Variants in UNC93B1 observed in about 807,000 individuals in gnomAD.
UNC93B1 encodes protein unc-93 homolog B1.
Under a neutral mutation model 56.8 loss-of-function variants are expected in UNC93B1, and 33 were observed. The ratio of observed to expected loss-of-function variants is 0.58; its 90% confidence interval spans 0.44 to 0.78. The LOEUF (loss-of-function observed/expected upper bound fraction) is 0.78. Ranked by LOEUF, UNC93B1 falls within the 30% of genes least tolerant of loss-of-function variation. UNC93B1 has a pLI of 0.00. For missense variants in UNC93B1, 673 were observed against 819.5 expected (o/e 0.82, Z 2.18); for synonymous variants, 334 against 358.6 (o/e 0.93, Z 0.77).
At chr11:68,001,064 C>T (rs1266594132) in intron 3 of UNC93B1, among the ~76,000 whole-genome samples, 4 of 151,660 alleles carry the variant, frequency 2.6e-5, no homozygotes, top group Non-Finnish European at 5.9e-5. Flanking sequence ...AGCGTGGTGG[C>T]GGGCGCCTGT....
At chr11:68,002,669 G>A (rs1314164611) in intron 3 of UNC93B1, among the ~76,000 whole-genome samples, 1 of 152,132 alleles carries the variant, frequency 6.6e-6, no homozygotes, top group Non-Finnish European at 1.5e-5. Context: ...TTTGCTGACC[G>A]ATCAGAAACC....
Position 67,996,532 on chromosome 11 carries a change from G to C in UNC93B1, c.1089+70C>G. ...CATATGTAATTAAAAATTATTCTTTGTTTACTTGAATTCAAATTTACCTGG... is the reference window on the plus strand; with the variant it reads ...CATATGTAATTAAAAATTATTCTTTCTTTACTTGAATTCAAATTTACCTGG... On this transcript the variant is annotated intron_variant, in intron 8 of 10. Coordinates refer to ENST00000227471, the MANE Select transcript of UNC93B1 (RefSeq NM_030930.4). 3 of 1,462,170 alleles carry C rather than the reference G, an allele frequency of 2.1e-6. No homozygotes were observed. In the South Asian group the frequency reaches 4.2e-5, roughly 21 times the overall value. The allele number at this position is 1,462,170 out of a possible 1,614,324, so 90.6% of individuals were successfully genotyped here. A position where few individuals can be genotyped will look rare whatever the true frequency, so the allele number is the denominator to read the frequency against.
At chr11:67,994,843 G>A (rs1201116448) in intron 9 of UNC93B1, among the ~76,000 whole-genome samples, 1 of 152,252 alleles carries the variant, frequency 6.6e-6, no homozygotes, top group African/African-American at 2.4e-5. Context: ...CGGCCCATCA[G>A]AACAGACACT....
chr11:68,002,954 G>C, intron 3 of UNC93B1, 68 bp downstream of exon 3: 1 of 1,505,406 alleles, frequency 6.6e-7, no homozygotes, highest in Admixed American at 2.2e-5. Context: ...ACACCTCCTG[G>C]CCCGCCGGCC....
chr11:68,003,112 T>A lies in UNC93B1; in HGVS notation c.302A>T (p.Asn101Ile). Residue 101 changes from asparagine to isoleucine, a missense_variant, in exon 3 of 11, where the codon AAC becomes ATC. Asn to Ile is a moderately radical substitution (Grantham distance 149, BLOSUM62 -3). Coordinates refer to ENST00000227471, the MANE Select transcript of UNC93B1 (RefSeq NM_030930.4). This position sits in a 1 kb window ranked among gnomAD's most constrained non-coding sequence, Gnocchi z 4.4. Reference protein sequence around the residue: ...DETYREVKYGNMGLPDIDSKM... With the variant: ...DETYREVKYGIMGLPDIDSKM... ...GCTGTCGATGTCGGGCAGCCCCATGTTGCCATACTTCACCTCGCGGTAGGT... is the reference window on the plus strand; with the variant it reads ...GCTGTCGATGTCGGGCAGCCCCATGATGCCATACTTCACCTCGCGGTAGGT... The A allele has an allele frequency of 1.9e-6, 3 of 1,613,648 alleles. No homozygotes were observed. The highest frequency in any genetic ancestry group is 2.5e-6 in the Non-Finnish European group (3 of 1,179,822).
chr11:68,003,681 T>C lies in UNC93B1; in HGVS notation c.214A>G (p.Met72Val). Residue 72 changes from methionine to valine, a missense_variant, in exon 2 of 11, where the codon ATG becomes GTG. This residue lies in a region of UNC93B1 where 438 missense variants were observed against 465.9 expected (regional missense o/e 0.94). Transcript: ENST00000227471. The surrounding 1 kb of genome is among the most constrained non-coding windows in gnomAD (Gnocchi z 4.4). Reference protein sequence around the residue: ...KNVLAASAGGMLTYGVYLGLL... With the variant: ...KNVLAASAGGVLTYGVYLGLL... ...CCCAGGTAGACGCCGTAGGTGAGCA[T>C]GCCCCCGGCGCTGGCAGCCAGCACG... 5 of 1,529,230 alleles carry C rather than the reference T, an allele frequency of 3.3e-6. No homozygotes were observed. The highest frequency in any genetic ancestry group is 4.4e-6 in the Non-Finnish European group (5 of 1,143,142). The allele number at this position is 1,529,230 out of a possible 1,614,324, so 94.7% of individuals were successfully genotyped here.
intron 6 of UNC93B1, 106 bp downstream of exon 6, chr11:67,998,253 G>T: frequency 7.7e-7 from 1 of 1,299,202 alleles, no homozygotes; most frequent in Non-Finnish European, 1.1e-6. Context: ...CCAGAGCCGT[G>T]GGGCACTGGG....
At position 67,999,650 on chromosome 11, in the gene UNC93B1, G is replaced by A. The variant is rs181167380; in HGVS notation, c.423C>T (p.Leu141=). ...RFFGTKWMMF[L]AVGIYALFVS... ...CAAAGAGGGCGTAGATGCCCACAGC[G>A]AGGAACATCATCCACTTCGTTCCAA... is the stretch of plus-strand genomic sequence containing the variant. Residue 141 remains leucine (L), a synonymous_variant, in exon 4 of 11, where the codon CTC becomes CTT. Transcript: ENST00000227471. 7.0e-5 allele frequency: 113 copies of A among 1,611,930 alleles called. No homozygotes were observed. The highest frequency in any genetic ancestry group is 8.9e-5 in the Non-Finnish European group (105 of 1,179,154).
At chr11:67,997,267 T>G (rs1315309135) in intron 7 of UNC93B1, among the ~76,000 whole-genome samples, 2 of 145,536 alleles carry the variant, frequency 1.4e-5, no homozygotes, top group Non-Finnish European at 3.0e-5. Flanking sequence ...GGCTGCAGCA[T>G]GCCAACGCCT....
intron 3 of UNC93B1, 147 bp from the exon 4 acceptor site, chr11:67,999,827 A>T: frequency 8.5e-7 from 1 of 1,170,266 alleles, no homozygotes; most frequent in Non-Finnish European, 1.2e-6. Context: ...TATCAGATAC[A>T]CAGACTTGCT....
chr11:67,996,967 G>A (rs1249292370), intron 7 of UNC93B1, among the ~76,000 whole-genome samples, 183 bp from the exon 8 acceptor site: 1 of 151,146 alleles, frequency 6.6e-6, no homozygotes, highest in Non-Finnish European at 1.5e-5. Context: ...CCAGCTCAAG[G>A]CCCCGCCTCT....
intron 3 of UNC93B1, among the ~76,000 whole-genome samples, chr11:68,002,421 G>A (rs953831557): frequency 2.0e-5 from 3 of 152,090 alleles, no homozygotes; most frequent in Admixed American, 6.5e-5. Context: ...TTCTCTTGTT[G>A]TTTTGTTTGT....
intron 9 of UNC93B1, among the ~76,000 whole-genome samples, chr11:67,994,295 G>A (rs569531413): frequency 4.6e-5 from 7 of 152,324 alleles, no homozygotes; most frequent in South Asian, 2.1e-4. Context: ...GAAGATGCAC[G>A]CTCGTTCTCA....
chr11:68,003,846 G>C lies in UNC93B1; in HGVS notation c.97-48C>G, dbSNP rs747433748. ...GCACCCGCGATCGCGCCCCGAACCC[G>C]TGTCCCCCGGTGCCCGCCGCCCCCC... is the stretch of plus-strand genomic sequence containing the variant. On this transcript the variant is annotated intron_variant, in intron 1 of 10. Coordinates refer to ENST00000227471, the MANE Select transcript of UNC93B1 (RefSeq NM_030930.4). This position sits in a 1 kb window ranked among gnomAD's most constrained non-coding sequence, Gnocchi z 4.4. 5.3e-5 allele frequency: 73 copies of C among 1,378,486 alleles called. No homozygotes were observed. The Admixed American group carries it at 2.0e-3, about 37-fold the overall frequency. The allele number at this position is 1,378,486 out of a possible 1,614,324, so 85.4% of individuals were successfully genotyped here. A position where few individuals can be genotyped will look rare whatever the true frequency, so the allele number is the denominator to read the frequency against.
chr11:68,001,961 T>C (rs544681457), intron 3 of UNC93B1, among the ~76,000 whole-genome samples: 3 of 151,762 alleles, frequency 2.0e-5, no homozygotes, highest in Non-Finnish European at 2.9e-5. Context: ...CTGGTCAACA[T>C]AGTGAAACCC....
rs774085389 is a variant in UNC93B1 at position 67,999,560 on chromosome 11, G to C, written c.513C>G (p.Ala171=). 1 of 1,575,458 alleles carries C rather than the reference G, an allele frequency of 6.3e-7. No homozygotes were observed. Among genetic ancestry groups the C allele is most frequent in the Non-Finnish European group, 8.6e-7 (1 of 1,161,538 alleles). The change falls in exon 4 of 11, where the codon GCC becomes GCG. Residue 171 remains alanine (A), a synonymous_variant. Transcript: ENST00000227471. ...CCATGGAAGCCCAAAGAGGCACGATGGCCATGCCCAGGGCCACAGCCGAGG... is the reference window on the plus strand; with the variant it reads ...CCATGGAAGCCCAAAGAGGCACGATCGCCATGCCCAGGGCCACAGCCGAGG... The part of the protein sequence containing the change: ...LVPSAVALGM[A]IVPLWASMGN...
rs1435106069 is a variant in UNC93B1, at chr11:67,997,789, G to A, written c.792C>T (p.Ser264=). 2 of 1,607,976 alleles carry A rather than the reference G, an allele frequency of 1.2e-6. No individual in the cohort carries two copies. The highest frequency in any genetic ancestry group is 3.3e-5 in the Admixed American group (2 of 59,818). The stretch of plus-strand genomic sequence containing the variant: ...TGTTGAAGCCGCTGAGGATCCCGTG[G>A]CTGTTGGTGCCTGGGAAGGGTGGGG... ...LYNVQSCGTN[S]HGILSGFNKT... The change falls in exon 7 of 11, where the codon AGC becomes AGT. Residue 264 remains serine, a synonymous_variant. Transcript: ENST00000227471.
chr11:67,999,668 C>T lies in UNC93B1; in HGVS notation c.405G>A (p.Thr135=), dbSNP rs1195598514. The T allele has an allele frequency of 9.9e-6, 16 of 1,611,278 alleles. No homozygotes were observed. Among genetic ancestry groups the T allele is most frequent in the African/African-American group, 1.3e-5 (1 of 74,878 alleles). Reference sequence around the variant, plus strand: ...CCACAGCGAGGAACATCATCCACTTCGTTCCAAAAAACCTGCGGACAGTGG... The same window carrying T: ...CCACAGCGAGGAACATCATCCACTTTGTTCCAAAAAACCTGCGGACAGTGG... ...YTPVLIRFFG[T]KWMMFLAVGI... The change falls in exon 4 of 11, where the codon ACG becomes ACA. Residue 135 remains threonine (T), a synonymous_variant. Coordinates refer to ENST00000227471, the MANE Select transcript of UNC93B1 (RefSeq NM_030930.4).
Position 68,003,674 on chromosome 11 carries a change from G to T in UNC93B1, c.221C>A (p.Thr74Asn). The T allele has an allele frequency of 6.5e-7, 1 of 1,529,330 alleles. No individual in the cohort carries two copies. Among genetic ancestry groups the T allele is most frequent in the African/African-American group, 1.4e-5 (1 of 71,302 alleles). 94.7% of individuals were successfully genotyped at this position (1,529,330 alleles called of 1,614,324 possible). A position where few individuals can be genotyped will look rare whatever the true frequency, so the allele number is the denominator to read the frequency against. The change falls in exon 2 of 11, where the codon ACC becomes AAC. Residue 74 changes from threonine (T) to asparagine (N), a missense_variant. Around this residue, in one of 3 missense-constraint regions of UNC93B1, gnomAD observed 438 missense variants for 465.9 expected, o/e 0.94. Transcript: ENST00000227471. This position sits in a 1 kb window ranked among gnomAD's most constrained non-coding sequence, Gnocchi z 4.4. ...VLAASAGGMLTYGVYLGLLQM... is the reference protein window; with the variant it reads ...VLAASAGGMLNYGVYLGLLQM... ...GCACCTACCCAGGTAGACGCCGTAGGTGAGCATGCCCCCGGCGCTGGCAGC... is the reference window on the plus strand; with the variant it reads ...GCACCTACCCAGGTAGACGCCGTAGTTGAGCATGCCCCCGGCGCTGGCAGC...
Sources: allele counts gnomAD v4.1 joint callset (sites outside exome capture counted in the v4.1 genomes callset), GRCh38; gene constraint gnomAD v4.1.1; regional missense constraint gnomAD v4.1.1; non-coding constraint Gnocchi (gnomAD v3.1); transcripts MANE v1.5; gene names NCBI Gene and HGNC (gene_info 2026-07-23, HGNC 2026-07-21).